ADAMTSL1: variants seen among roughly 807,000 people sequenced by gnomAD.
The protein encoded by ADAMTSL1 is ADAMTS-like protein 1.
ADAMTSL1 carries 126 observed loss-of-function variants against 201.8 expected under a neutral mutation model. That is an observed-to-expected ratio of 0.62 (90% CI 0.54 to 0.72). The LOEUF (loss-of-function observed/expected upper bound fraction) is 0.72. Among genes scored for constraint, ADAMTSL1 ranks in the 30% least tolerant of loss-of-function variants. The pLI, the probability that ADAMTSL1 is intolerant of heterozygous loss-of-function variation, is 0.00. For synonymous variants in ADAMTSL1, 1,121 were observed against 903.4 expected, an observed-to-expected ratio of 1.24 and a Z score of -4.32; for missense variants, 2,679 against 2,277.8, an observed-to-expected ratio of 1.18 and a Z score of -3.59.
At chr9:18,022,193 A>T (rs1486366173) in intron 1 of ADAMTSL1, among the ~76,000 whole-genome samples, 2 of 152,116 alleles carry the variant, frequency 1.3e-5, no homozygotes, top group Admixed American at 6.5e-5. Context: ...CCCAAGGGAA[A>T]GATCACCATA....
At chr9:18,880,072 A>T (rs1407006429) in intron 23 of ADAMTSL1, among the ~76,000 whole-genome samples, 1 of 152,206 alleles carries the variant, frequency 6.6e-6, no homozygotes, top group Non-Finnish European at 1.5e-5. Context: ...ATGATATTGC[A>T]GCAATTCAGT....
At chr9:18,120,015 C>T (rs964288769) in intron 1 of ADAMTSL1, among the ~76,000 whole-genome samples, 1 of 152,150 alleles carries the variant, frequency 6.6e-6, no homozygotes, top group African/African-American at 2.4e-5. Flanking sequence ...CCCAAATTTG[C>T]CAGCTTAAAA....
At chr9:18,640,690 G>T (rs908993254) in intron 7 of ADAMTSL1, among the ~76,000 whole-genome samples, 1 of 151,936 alleles carries the variant, frequency 6.6e-6, no homozygotes, top group African/African-American at 2.4e-5. Context: ...GACACTGTCT[G>T]CCCAGGCAAA....
chr9:18,893,885 C>A lies in ADAMTSL1; in HGVS notation c.4851+1289C>A, dbSNP rs531491953. On this transcript the variant is annotated intron_variant, in intron 26 of 28. Transcript: ENST00000380548. The stretch of plus-strand genomic sequence containing the variant: ...TTAGTCCAAGTAAAACTAAGACCAC[C>A]TTCTTAGCTCCAACAATCTGGCTTC... Among the ~76,000 whole-genome samples the A allele has an allele frequency of 5.9e-5, 9 of 152,308 alleles. No individual in the cohort carries two copies. The South Asian group carries it at 1.7e-3, about 28-fold the overall frequency.
intron 2 of ADAMTSL1, among the ~76,000 whole-genome samples, chr9:18,460,581 T>C (rs1820773043): frequency 6.6e-6 from 1 of 152,176 alleles, no homozygotes; most frequent in African/African-American, 2.4e-5. Context: ...AAATGAAATC[T>C]GAAGCAGAGT....
In ADAMTSL1 at chr9:18,513,076, G is replaced by T. The variant is rs150242342; in HGVS notation, c.191+8120G>T. Among the ~76,000 whole-genome samples the T allele has an allele frequency of 9.9e-5, 15 of 152,272 alleles. No individual in the cohort carries two copies. The East Asian group carries it at 2.9e-3, about 29-fold the overall frequency. ...CTTAGACCTAGACTGAGCTGGGAAG[G>T]ATCTTAGAGCTAATCTCCTCTCTAA... On this transcript the variant is annotated intron_variant, in intron 2 of 28. Coordinates refer to ENST00000380548, the MANE Select transcript of ADAMTSL1 (RefSeq NM_001040272.6).
chr9:18,185,861 A>AG (rs959648108), intron 2 of ADAMTSL1, among the ~76,000 whole-genome samples: 5 of 151,656 alleles, frequency 3.3e-5, no homozygotes, highest in Non-Finnish European at 2.9e-5. Context: ...ACAATTGGGA[A>AG]AAAAGTTTCA....
At chr9:17,952,467 C>G (rs1827763696) in intron 1 of ADAMTSL1, among the ~76,000 whole-genome samples, 1 of 152,042 alleles carries the variant, frequency 6.6e-6, no homozygotes, top group African/African-American at 2.4e-5. Flanking sequence ...CTATCACTTG[C>G]CTTCTAGTTT....
At position 18,329,932 on chromosome 9, in the gene ADAMTSL1, T is replaced by C. The variant is rs4637948; in HGVS notation, c.207+165951T>C. Among the ~76,000 whole-genome samples the C allele has an allele frequency of 3.6e-3, 551 of 152,340 alleles. 11 individuals are homozygous for C. Among genetic ancestry groups the C allele is most frequent in the Admixed American group, 0.033 (504 of 15,290 alleles). ...AGTTTACAGTTTAGTGGTGTCAGTA[T>C]ATAAACATGTGTCTTAGTGATTATC... On this transcript the variant is annotated intron_variant, in intron 2 of 29. Transcript: ENST00000680146.
At chr9:18,774,439 AATTTC>A (rs1820865644) in intron 17 of ADAMTSL1, among the ~76,000 whole-genome samples, 1 of 151,892 alleles carries the variant, frequency 6.6e-6, no homozygotes, top group Non-Finnish European at 1.5e-5. Context: ...TTTTTCTGGA[AATTTC>A]CCTGTCTCCC....
intron 9 of ADAMTSL1, among the ~76,000 whole-genome samples, chr9:18,664,433 A>G (rs139564203): frequency 1.3e-5 from 2 of 152,202 alleles, no homozygotes; most frequent in African/African-American, 4.8e-5. Flanking sequence ...AGAGTGAACA[A>G]TGACATTCAA....
At chr9:18,742,548 A>G (rs1818896777) in intron 15 of ADAMTSL1, among the ~76,000 whole-genome samples, 1 of 152,222 alleles carries the variant, frequency 6.6e-6, no homozygotes, top group African/African-American at 2.4e-5. Context: ...AGGACGGTAC[A>G]GTTGATGTGA....
intron 2 of ADAMTSL1, among the ~76,000 whole-genome samples, chr9:18,448,859 GC>G: frequency 6.6e-6 from 1 of 152,012 alleles, no homozygotes; most frequent in East Asian, 1.9e-4. Flanking sequence ...TTTAAAAAAT[GC>G]TCTATGGTTA....
At chr9:17,955,088 G>A (rs77300725) in intron 1 of ADAMTSL1, among the ~76,000 whole-genome samples, 2,145 of 152,252 alleles carry the variant, frequency 0.014, 64 homozygotes, top group African/African-American at 0.049. Context: ...ATTTGATGCC[G>A]TGTGTGTATA....
chr9:18,603,394 T>C (rs3860972), intron 4 of ADAMTSL1, among the ~76,000 whole-genome samples: 1,985 of 130,894 alleles, frequency 0.015, 35 homozygotes, highest in African/African-American at 0.054. Flanking sequence ...TGCTATGCTA[T>C]GCTATGCTAT....
At chr9:18,838,137 T>A (rs1405762133) in intron 23 of ADAMTSL1, among the ~76,000 whole-genome samples, 1 of 151,936 alleles carries the variant, frequency 6.6e-6, no homozygotes, top group Admixed American at 6.6e-5. Flanking sequence ...GCAAGTCACG[T>A]CTTACATGGA....
intron 2 of ADAMTSL1, among the ~76,000 whole-genome samples, chr9:18,263,027 G>A (rs1423100609): frequency 6.6e-6 from 1 of 152,200 alleles, no homozygotes; most frequent in Non-Finnish European, 1.5e-5. Flanking sequence ...TGCACAGGAT[G>A]TATAGCCCAG....
intron 13 of ADAMTSL1, among the ~76,000 whole-genome samples, chr9:18,696,106 G>C (rs534561394): frequency 6.6e-6 from 1 of 152,270 alleles, no homozygotes; most frequent in African/African-American, 2.4e-5. Flanking sequence ...CACTCCCATG[G>C]TCCAGTCACC....
intron 1 of ADAMTSL1, among the ~76,000 whole-genome samples, chr9:18,124,085 T>TG (rs1825626444): frequency 7.0e-6 from 1 of 143,624 alleles, no homozygotes; most frequent in Admixed American, 7.0e-5. Flanking sequence ...CAGTTTTTTT[T>TG]TTTTTTTTTT....
Sources: gnomAD v4.1 joint callset for allele counts (sites outside exome capture counted in the v4.1 genomes callset) on GRCh38, gnomAD v4.1.1 for gene constraint, MANE v1.5 for transcripts, NCBI Gene and HGNC (gene_info 2026-07-23, HGNC 2026-07-21) for gene names.